The following DHX29 variants were observed in gnomAD, a reference collection of about 807,000 sequenced individuals.
The protein encoded by DHX29 is ATP-dependent RNA helicase DHX29.
Under a neutral mutation model 167.9 loss-of-function variants are expected in DHX29, and 79 were observed. The observed-to-expected ratio is 0.47, with a 90% CI of 0.39 to 0.57. DHX29 has a LOEUF of 0.57. Ranked by LOEUF, DHX29 falls within the 20% of genes least tolerant of loss-of-function variation. The pLI is 0.00. For synonymous variants in DHX29, 530 were observed against 546.0 expected, an observed-to-expected ratio of 0.97 and a Z score of 0.41; for missense variants, 1,347 against 1,593.4, an observed-to-expected ratio of 0.85 and a Z score of 2.63.
At chr5:55,263,881 G>GT (rs549407616) in intron 23 of DHX29, among the ~76,000 whole-genome samples, 5 of 150,320 alleles carry the variant, frequency 3.3e-5, no homozygotes, top group Admixed American at 1.3e-4. Flanking sequence ...CATCCTAGCA[G>GT]TTTTTTTTAA....
intron 6 of DHX29, among the ~76,000 whole-genome samples, chr5:55,291,031 A>G (rs1734054444): frequency 6.6e-6 from 1 of 152,196 alleles, no homozygotes; most frequent in Non-Finnish European, 1.5e-5. Context: ...AAATTGTTTC[A>G]TAAGTATGTG....
rs562197100 is a variant in DHX29 at position 55,283,436 on chromosome 5, G to A, written c.1732C>T (p.Arg578Trp). The A allele has an allele frequency of 1.5e-5, 24 of 1,614,134 alleles. No individual in the cohort carries two copies. Among genetic ancestry groups the A allele is most frequent in the Admixed American group, 6.7e-5 (4 of 60,016 alleles). ...TTAAGAGTTTCAACAATTGAGTCCC[G>A]ATGTTTAAATACAGGTAGCTGTTGT... ...ERQQLPVFKHRDSIVETLKRH... is the reference protein window; with the variant it reads ...ERQQLPVFKHWDSIVETLKRH... Residue 578 changes from arginine (R) to tryptophan (W), a missense_variant, in exon 11 of 27, where the codon CGG becomes TGG. This residue lies in a region of DHX29 where 882 missense variants were observed against 1,082.4 expected (regional missense o/e 0.81). Coordinates refer to ENST00000251636, the MANE Select transcript of DHX29 (RefSeq NM_019030.4).
chr5:55,270,238 G>A (rs1280182114), intron 20 of DHX29, among the ~76,000 whole-genome samples, 174 bp downstream of exon 20: 1 of 152,052 alleles, frequency 6.6e-6, no homozygotes, highest in East Asian at 1.9e-4. Context: ...GTAAGTGTCT[G>A]GCAAAATCAA....
At chr5:55,289,084 A>C (rs546589596) in intron 8 of DHX29, among the ~76,000 whole-genome samples, 186 bp downstream of exon 8, 1 of 152,342 alleles carries the variant, frequency 6.6e-6, no homozygotes, top group African/African-American at 2.4e-5. Flanking sequence ...ATTTATTTGT[A>C]ATTACAAAAT....
intron 6 of DHX29, among the ~76,000 whole-genome samples, chr5:55,291,148 G>C (rs1414831305): frequency 6.6e-6 from 1 of 152,102 alleles, no homozygotes; most frequent in Non-Finnish European, 1.5e-5. Context: ...TGAGGAAAAC[G>C]GATGTCATAA....
At chr5:55,303,240 T>G (rs1561173685) in intron 1 of DHX29, among the ~76,000 whole-genome samples, 1 of 152,166 alleles carries the variant, frequency 6.6e-6, no homozygotes. Context: ...GACATTGACT[T>G]TGAGTTGTTA....
In DHX29 at chr5:55,256,527, C is replaced by T. The variant is rs1196754107; in HGVS notation, c.4071G>A (p.Leu1357=). ...PKMSLENDKI[L]QIITELIKTE... ...TTTTTATCAATTCCGTAATGATCTG[C>T]AGAATCTTGTCATCTGAGTGGAAGG... is the stretch of plus-strand genomic sequence containing the variant. Residue 1357 remains leucine, a synonymous_variant, in exon 27 of 27, where the codon CTG becomes CTA. Coordinates refer to ENST00000251636, the MANE Select transcript of DHX29 (RefSeq NM_019030.4). 1 of 1,589,224 alleles carries T rather than the reference C, an allele frequency of 6.3e-7. No individual in the cohort carries two copies. The highest frequency in any genetic ancestry group is 8.5e-7 in the Non-Finnish European group (1 of 1,172,112).
chr5:55,283,147 G>A (rs1747519950), intron 11 of DHX29, 56 bp downstream of exon 11: 1 of 1,521,946 alleles, frequency 6.6e-7, no homozygotes, highest in Non-Finnish European at 8.8e-7. Flanking sequence ...GATCACAAAA[G>A]CAAAGGTGAG....
rs1226629990 is a variant in DHX29, at chr5:55,285,879, G to A, written c.1067-18C>T. ...CTTTTTATCTAAAATGGTAAACAAAGATTGGTTCTTTAAAAATGGTCAAGC... is the reference window on the plus strand; with the variant it reads ...CTTTTTATCTAAAATGGTAAACAAAAATTGGTTCTTTAAAAATGGTCAAGC... On this transcript the variant is annotated intron_variant, in intron 8 of 26. Transcript: ENST00000251636. The A allele has an allele frequency of 1.3e-6, 2 of 1,528,790 alleles. No individual in the cohort carries two copies. Among genetic ancestry groups the A allele is most frequent in the African/African-American group, 2.8e-5 (2 of 72,010 alleles). 94.7% of individuals were successfully genotyped at this position (1,528,790 alleles called of 1,614,324 possible). A position where few individuals can be genotyped will look rare whatever the true frequency, so the allele number is the denominator to read the frequency against.
At chr5:55,257,068 G>T (rs910146961) in intron 26 of DHX29, among the ~76,000 whole-genome samples, 2 of 152,130 alleles carry the variant, frequency 1.3e-5, no homozygotes, top group Admixed American at 6.5e-5. Context: ...TGTCAATGCG[G>T]AAGTGACAGA....
At chr5:55,263,492 A>G (rs1232716661) in intron 23 of DHX29, among the ~76,000 whole-genome samples, 1 of 152,114 alleles carries the variant, frequency 6.6e-6, no homozygotes, top group African/African-American at 2.4e-5. Context: ...TTTTCAAAGT[A>G]CACAGGATAC....
rs770822109 is a variant in DHX29, at chr5:55,294,002, C to A, written c.780+15G>T. 2 of 1,601,090 alleles carry A rather than the reference C, an allele frequency of 1.2e-6. No homozygotes were observed. The highest frequency in any genetic ancestry group is 2.2e-5 in the East Asian group (1 of 44,622). On this transcript the variant is annotated intron_variant, in intron 6 of 26. Transcript: ENST00000251636. ...AGAGCATCCAGTTAGAAGCCTAACA[C>A]AAATTTCTACTCACAGGGTCAAATT... is the stretch of plus-strand genomic sequence containing the variant.
At chr5:55,269,692 C>A in intron 20 of DHX29, 55 bp from the exon 21 acceptor site, 2 of 1,419,796 alleles carry the variant, frequency 1.4e-6, no homozygotes, top group Non-Finnish European at 2.0e-6. Flanking sequence ...GAACACTACC[C>A]AATGAGATGT....
chr5:55,281,400 C>G lies in DHX29; in HGVS notation c.2081G>C (p.Ser694Thr), dbSNP rs1417352447. ...ATCTACAATAACATGAGACACATTA[C>G]TTAGAAGACCATCTTCTTGAAGTTT... ...LRKLQEDGLL[S>T]NVSHVIVDEV... Residue 694 changes from serine (S) to threonine (T), a missense_variant, in exon 12 of 27, where the codon AGT becomes ACT. This residue lies in a region of DHX29 where 882 missense variants were observed against 1,082.4 expected (regional missense o/e 0.81). Coordinates refer to ENST00000251636, the MANE Select transcript of DHX29 (RefSeq NM_019030.4). The G allele has an allele frequency of 6.2e-7, 1 of 1,602,960 alleles. No homozygotes were observed. Among genetic ancestry groups the G allele is most frequent in the Admixed American group, 1.7e-5 (1 of 58,516 alleles).
intron 13 of DHX29, 76 bp downstream of exon 13, chr5:55,277,030 A>G: frequency 9.4e-7 from 1 of 1,064,536 alleles, no homozygotes; most frequent in Non-Finnish European, 1.4e-6. Context: ...CTCTGACTAC[A>G]AGTGCCCATC....
intron 24 of DHX29, among the ~76,000 whole-genome samples, chr5:55,261,938 C>T (rs940363963): frequency 2.0e-5 from 3 of 152,176 alleles, no homozygotes; most frequent in South Asian, 4.1e-4. Context: ...CTTGAAATTA[C>T]GGATCTTTGT....
intron 11 of DHX29, among the ~76,000 whole-genome samples, chr5:55,281,940 T>G (rs756421647): frequency 2.6e-5 from 4 of 151,926 alleles, no homozygotes; most frequent in Non-Finnish European, 5.9e-5. Flanking sequence ...GGCATGCCAC[T>G]ACACCCAGCT....
At chr5:55,303,600 T>A (rs1351428327) in intron 1 of DHX29, among the ~76,000 whole-genome samples, 1 of 152,206 alleles carries the variant, frequency 6.6e-6, no homozygotes. Context: ...CCCATTGAAC[T>A]TGCTCTGGCT....
At chr5:55,269,728 A>G in intron 20 of DHX29, 91 bp from the exon 21 acceptor site, 1 of 1,067,266 alleles carries the variant, frequency 9.4e-7, no homozygotes, top group Non-Finnish European at 1.4e-6. Flanking sequence ...TGACTTCAGT[A>G]AAATTTTGAG....
Sources: gnomAD v4.1 joint callset for allele counts (sites outside exome capture counted in the v4.1 genomes callset) on GRCh38, gnomAD v4.1.1 for gene constraint, gnomAD v4.1.1 regional missense constraint, MANE v1.5 for transcripts, NCBI Gene and HGNC (gene_info 2026-07-23, HGNC 2026-07-21) for gene names.